MLXIPL: variants seen among roughly 807,000 people sequenced by gnomAD.
MLXIPL encodes the protein carbohydrate-responsive element-binding protein.
MLXIPL carries 49 observed loss-of-function variants against 81.5 expected under a neutral mutation model. That is an observed-to-expected ratio of 0.60 (90% CI 0.48 to 0.76). The LOEUF (loss-of-function observed/expected upper bound fraction) is 0.76. Among genes scored for constraint, MLXIPL ranks in the 30% least tolerant of loss-of-function variants. The pLI, the probability that MLXIPL is intolerant of heterozygous loss-of-function variation, is 0.00. For missense variants in MLXIPL, 1,053 were observed against 1,167.0 expected (o/e 0.90, Z 1.42); for synonymous variants, 466 against 485.5 (o/e 0.96, Z 0.53).
At position 73,624,377 on chromosome 7, in the gene MLXIPL, C is replaced by T. The variant is rs781955967; in HGVS notation, c.116G>A (p.Gly39Asp). The change falls in exon 1 of 17, where the codon GGC (glycine) becomes GAC (aspartate). Residue 39 changes from glycine to aspartate, a missense_variant. Physicochemically the swap from Gly to Asp is moderately conservative, Grantham distance 94. This residue lies in a region of MLXIPL where 226 missense variants were observed against 216.2 expected (regional missense o/e 1.05). Coordinates refer to ENST00000313375, the MANE Select transcript of MLXIPL (RefSeq NM_032951.3). ...GATGACCTGCGAGCGGAGCAAGCCGCCCGCGCTGCGCCGGAGACTCGGGTC... is the reference window on the plus strand; with the variant it reads ...GATGACCTGCGAGCGGAGCAAGCCGTCCGCGCTGCGCCGGAGACTCGGGTC... ...SEDPSLRRSA[G>D]GLLRSQVIHS... 6.4e-6 allele frequency: 10 copies of T among 1,572,848 alleles called. No individual in the cohort carries two copies. The African/African-American group carries it at 1.3e-4, about 21-fold the overall frequency.
At chr7:73,635,673 A>G in the MLXIPL span, among the ~76,000 whole-genome samples, 1 of 150,670 alleles carries the variant, frequency 6.6e-6, no homozygotes, top group Non-Finnish European at 1.5e-5. Context: ...CTATCCATCC[A>G]TCCATCATCC....
intron 1 of MLXIPL, among the ~76,000 whole-genome samples, chr7:73,618,295 T>TGC (rs1554601230): frequency 6.6e-6 from 1 of 152,096 alleles, no homozygotes; most frequent in African/African-American, 2.4e-5. Flanking sequence ...CGGGGCTTCA[T>TGC]CATGTTGGCC....
chr7:73,605,931 G>T lies in MLXIPL; in HGVS notation c.799C>A (p.Leu267Met). Residue 267 changes from leucine (L) to methionine (M), a missense_variant, in exon 6 of 17, where the codon CTG becomes ATG. By Grantham distance (15) the Leu-to-Met change is conservative (BLOSUM62 2). This residue lies in a region of MLXIPL where 823 missense variants were observed against 933.0 expected (regional missense o/e 0.88). Transcript: ENST00000313375. ...FTMTQSGPSP[L>M]QLPPEDAYVG... ...TCACCATCCTCAGGCGGCAGCTGCA[G>T]GGGCGAAGGGCCGGACTGAGTCATG... 1 of 1,592,216 alleles carries T rather than the reference G, an allele frequency of 6.3e-7. No individual in the cohort carries two copies. Among genetic ancestry groups the T allele is most frequent in the Admixed American group, 1.8e-5 (1 of 56,362 alleles).
chr7:73,606,192 T>G (rs1795270049), intron 5 of MLXIPL, 81 bp from the exon 6 acceptor site: 4 of 1,412,958 alleles, frequency 2.8e-6, no homozygotes, highest in Non-Finnish European at 2.9e-6. Flanking sequence ...CAGGGTCAAG[T>G]GGTCAGCAGG....
At chr7:73,606,402 TTTTTG>T in intron 5 of MLXIPL, 1 of 503,878 alleles carries the variant, frequency 2.0e-6, no homozygotes, top group Non-Finnish European at 3.5e-6. Context: ...CTGGTTTTTT[TTTTTG>T]TTTGTTTTCT....
chr7:73,594,887 C>T (rs1413328356), intron 15 of MLXIPL, among the ~76,000 whole-genome samples: 1 of 148,390 alleles, frequency 6.7e-6, no homozygotes, highest in Non-Finnish European at 1.5e-5. Flanking sequence ...ACTCTGCTGC[C>T]CAGGCTGGAA....
At chr7:73,621,903 T>C (rs1262924280) in intron 1 of MLXIPL, among the ~76,000 whole-genome samples, 2 of 55,892 alleles carry the variant, frequency 3.6e-5, no homozygotes, top group Non-Finnish European at 3.4e-5. Context: ...TCCCTCTATC[T>C]CCCTCCCTCC....
the MLXIPL span, among the ~76,000 whole-genome samples, chr7:73,634,805 T>TTTATTATTATTATTATTA: frequency 0.11 from 15,466 of 146,948 alleles, 916 homozygotes; most frequent in African/African-American, 0.13. Flanking sequence ...TCTATATGTA[T>TTTATTATTATTATTATTA]TTATTATTAT....
At chr7:73,644,295 C>A in the MLXIPL span, among the ~76,000 whole-genome samples, 3 of 151,866 alleles carry the variant, frequency 2.0e-5, no homozygotes, top group East Asian at 3.9e-4. Context: ...GCAACCTCCA[C>A]CCCCAGGCTT....
chr7:73,612,063 C>T (rs74446231), intron 2 of MLXIPL, among the ~76,000 whole-genome samples: 2,740 of 152,078 alleles, frequency 0.018, 87 homozygotes, highest in African/African-American at 0.063. Flanking sequence ...TGGTGGCTCA[C>T]GCCTGTAGCC....
At chr7:73,606,608 TAG>T (rs1333802672) in intron 5 of MLXIPL, 5 of 321,682 alleles carry the variant, frequency 1.6e-5, no homozygotes, top group Non-Finnish European at 3.0e-5. Flanking sequence ...GTATTTTTAG[TAG>T]AGACGGGGTT....
the MLXIPL span, among the ~76,000 whole-genome samples, chr7:73,644,147 C>G: frequency 6.6e-6 from 1 of 152,066 alleles, no homozygotes; most frequent in East Asian, 1.9e-4. Flanking sequence ...ATCCTCCTGC[C>G]TTGGCCTCCC....
chr7:73,599,785 G>T (rs1554595495), intron 7 of MLXIPL, 90 bp from the exon 8 acceptor site: 2 of 1,316,270 alleles, frequency 1.5e-6, no homozygotes, highest in Non-Finnish European at 2.1e-6. Context: ...CCCCAGCCTT[G>T]GCGGGTGGGG....
chr7:73,624,391 G>C lies in MLXIPL; in HGVS notation c.102C>G (p.Leu34=). Residue 34 remains leucine (L), a synonymous_variant, in exon 1 of 17, where the codon CTC becomes CTG. Transcript: ENST00000313375. The part of the protein sequence containing the change: ...DSDTDSEDPS[L]RRSAGGLLRS... The stretch of plus-strand genomic sequence containing the variant: ...GGAGCAAGCCGCCCGCGCTGCGCCG[G>C]AGACTCGGGTCCTCCGAGTCTGTGT... 1.3e-6 allele frequency: 2 copies of C among 1,567,868 alleles called. No homozygotes were observed. Among genetic ancestry groups the C allele is most frequent in the Non-Finnish European group, 1.7e-6 (2 of 1,162,422 alleles).
At chr7:73,599,117 T>C (rs756510523) in intron 8 of MLXIPL, among the ~76,000 whole-genome samples, 1 of 149,246 alleles carries the variant, frequency 6.7e-6, no homozygotes, top group East Asian at 2.0e-4. Flanking sequence ...TGAACCAAAA[T>C]GGTAGATTCA....
intron 1 of MLXIPL, among the ~76,000 whole-genome samples, chr7:73,620,969 G>C (rs1554601886): frequency 6.6e-6 from 1 of 151,254 alleles, no homozygotes; most frequent in African/African-American, 2.4e-5. Context: ...AGAATCGCTT[G>C]AACTCAGGAG....
intron 2 of MLXIPL, among the ~76,000 whole-genome samples, chr7:73,612,366 C>T (rs140046730): frequency 0.011 from 1,688 of 148,264 alleles, 34 homozygotes; most frequent in African/African-American, 0.04. Flanking sequence ...TTAGGCCAGG[C>T]GCGGTGGCTC....
rs192512898 is a variant in MLXIPL, at chr7:73,613,633, T to C, written c.400+2438A>G. Reference sequence around the variant, plus strand: ...ACCAAGAAAAAACAAATAGGACCTGTCATTCCCATTTTCACAAATAGCAAG... The same window carrying C: ...ACCAAGAAAAAACAAATAGGACCTGCCATTCCCATTTTCACAAATAGCAAG... On this transcript the variant is annotated intron_variant, in intron 2 of 16. Transcript: ENST00000313375. Among the ~76,000 whole-genome samples the C allele has an allele frequency of 5.3e-5, 8 of 152,254 alleles. No homozygotes were observed. In the East Asian group the frequency reaches 1.4e-3, roughly 26 times the overall value.
chr7:73,647,830 C>G, the MLXIPL span, among the ~76,000 whole-genome samples: 2 of 150,912 alleles, frequency 1.3e-5, no homozygotes, highest in South Asian at 4.2e-4. Flanking sequence ...GGGCGGCGGG[C>G]GGCGGGGGCG....
Sources: gnomAD v4.1 joint callset for allele counts (sites outside exome capture counted in the v4.1 genomes callset) on GRCh38, gnomAD v4.1.1 for gene constraint, gnomAD v4.1.1 regional missense constraint, MANE v1.5 for transcripts, NCBI Gene and HGNC (gene_info 2026-07-23, HGNC 2026-07-21) for gene names.